MCPH1: variants seen among roughly 807,000 people sequenced by gnomAD.
MCPH1 encodes microcephalin.
MCPH1 carries 104 observed loss-of-function variants against 84.5 expected under a neutral mutation model. The ratio of observed to expected loss-of-function variants is 1.23; its 90% CI spans 1.05 to 1.45. MCPH1 has a LOEUF of 1.45. MCPH1 is among the 40% of genes most tolerant of loss of function. The pLI, the probability that MCPH1 is intolerant of heterozygous loss-of-function variation, is 0.00. For missense variants in MCPH1, 1,498 were observed against 1,005.7 expected (o/e 1.49, Z -6.62); for synonymous variants, 514 against 366.8 (o/e 1.40, Z -4.58).
At position 6,510,238 on chromosome 8, in the gene MCPH1, A is replaced by G. The variant is rs533449692; in HGVS notation, c.2214+10309A>G. On this transcript the variant is annotated intron_variant, in intron 12 of 13. Transcript: ENST00000344683. ...CTTCTTGGCAGATGGTTCAGGACAG[A>G]TCAGAGCAGGCATTCACGTAATGGG... 4.6e-5 allele frequency among the ~76,000 whole-genome samples: 7 copies of G among 151,722 alleles called. No homozygotes were observed. The South Asian group carries it at 1.5e-3, about 32-fold the overall frequency.
intron 12 of MCPH1, among the ~76,000 whole-genome samples, chr8:6,580,900 C>T (rs1827517564): frequency 6.6e-6 from 1 of 152,182 alleles, no homozygotes; most frequent in East Asian, 1.9e-4. Flanking sequence ...GTCAGCCCTC[C>T]ACATCCGCAG....
rs979490440 is a variant in MCPH1, at chr8:6,494,466, A to G, written c.2137-5386A>G. 9 of 152,326 alleles carry G rather than the reference A, an allele frequency of 5.9e-5. No individual in the cohort carries two copies. The East Asian group carries it at 1.7e-3, about 29-fold the overall frequency. The allele number at this position is 152,326 out of a possible 1,614,324, so 9.4% of individuals were successfully genotyped here. A position where few individuals can be genotyped will look rare whatever the true frequency, so the allele number is the denominator to read the frequency against. ...CACCGTAGCTGTGTAACCTTGGGTA[A>G]GGCAGTTTCTTTATCTGTAAAAGAA... is the stretch of plus-strand genomic sequence containing the variant. On this transcript the variant is annotated intron_variant, in intron 11 of 13. Coordinates refer to ENST00000344683, the MANE Select transcript of MCPH1 (RefSeq NM_024596.5).
At chr8:6,621,268 TCA>T in intron 12 of MCPH1, 184 bp from the exon 13 acceptor site, 1 of 713,150 alleles carries the variant, frequency 1.4e-6, no homozygotes, top group East Asian at 2.7e-5. Flanking sequence ...TCAGAAAACG[TCA>T]GTTTTATGTC....
chr8:6,446,411 A>G (rs1585823698), intron 8 of MCPH1: 1 of 985,336 alleles, frequency 1.0e-6, no homozygotes, highest in East Asian at 1.1e-4. Flanking sequence ...AAGTCATGGT[A>G]GCGTTTGAAA....
chr8:6,496,409 T>C (rs1358943043), intron 11 of MCPH1, among the ~76,000 whole-genome samples: 1 of 152,234 alleles, frequency 6.6e-6, no homozygotes, highest in African/African-American at 2.4e-5. Flanking sequence ...CACCTCCTGC[T>C]GTGTGGCCCC....
At chr8:6,423,778 G>T (rs183387250) in intron 3 of MCPH1, among the ~76,000 whole-genome samples, 383 of 152,272 alleles carry the variant, frequency 2.5e-3, no homozygotes, top group African/African-American at 7.3e-3. Context: ...TTATCTTCTG[G>T]AAGGAGTGTA....
rs373532368 is a variant in MCPH1, at chr8:6,455,201, G to C, written c.1884G>C (p.Lys628Asn). 8.1e-6 allele frequency: 13 copies of C among 1,613,988 alleles called. No individual in the cohort carries two copies. The highest frequency in any genetic ancestry group is 1.1e-5 in the Non-Finnish European group (13 of 1,179,968). ...DVLDDSCDGF[K>N]DLIKPHEELK... is the part of the protein sequence containing the mutation. ...TAGATGACTCATGTGACGGCTTTAAGGACCTCATCAAACCTCATGAGGAAT... is the reference window on the plus strand; with the variant it reads ...TAGATGACTCATGTGACGGCTTTAACGACCTCATCAAACCTCATGAGGAAT... Residue 628 changes from lysine (K) to asparagine (N), a missense_variant, in exon 9 of 14, where the codon AAG becomes AAC. By Grantham distance (94) the Lys-to-Asn change is moderately conservative (BLOSUM62 0). Transcript: ENST00000344683.
chr8:6,564,036 C>T (rs886912275), intron 12 of MCPH1, among the ~76,000 whole-genome samples: 8 of 136,938 alleles, frequency 5.8e-5, no homozygotes, highest in Admixed American at 1.6e-4. Flanking sequence ...GGCTAGAGTG[C>T]AGTGGGGCAA....
intron 13 of MCPH1, among the ~76,000 whole-genome samples, chr8:6,627,659 G>A (rs1376906107): frequency 6.6e-6 from 1 of 152,144 alleles, no homozygotes; most frequent in African/African-American, 2.4e-5. Flanking sequence ...AGGAGGCCGA[G>A]GCGGGTGGGT....
At chr8:6,511,645 G>C (rs953841639) in intron 12 of MCPH1, among the ~76,000 whole-genome samples, 6 of 152,072 alleles carry the variant, frequency 3.9e-5, no homozygotes, top group African/African-American at 1.4e-4. Context: ...CTCTTATCAT[G>C]CTAGCATCAT....
At chr8:6,483,424 TC>T (rs1258829526) in intron 11 of MCPH1, among the ~76,000 whole-genome samples, 21 of 152,196 alleles carry the variant, frequency 1.4e-4, no homozygotes, top group African/African-American at 3.9e-4. Flanking sequence ...TTTTGGGGCA[TC>T]CTTTCAAGCT....
chr8:6,438,899 C>T, intron 5 of MCPH1, 54 bp from the exon 6 acceptor site: 3 of 1,566,026 alleles, frequency 1.9e-6, no homozygotes, highest in Middle Eastern at 4.3e-4. Context: ...AATCACATTC[C>T]TGAAGTATGA....
intron 12 of MCPH1, chr8:6,514,842 G>A: frequency 7.0e-7 from 1 of 1,423,344 alleles, no homozygotes; most frequent in Non-Finnish European, 9.9e-7. Flanking sequence ...CGTAGCAGAA[G>A]CAGGAGGAAT....
chr8:6,468,639 T>C (rs550662728), intron 9 of MCPH1, among the ~76,000 whole-genome samples: 1 of 138,054 alleles, frequency 7.2e-6, no homozygotes, highest in East Asian at 2.3e-4. Flanking sequence ...GGATGTACAT[T>C]TTTTTGGTTT....
intron 12 of MCPH1, among the ~76,000 whole-genome samples, chr8:6,538,615 G>A (rs1563089692): frequency 6.6e-6 from 1 of 152,140 alleles, no homozygotes; most frequent in Non-Finnish European, 1.5e-5. Context: ...TCCTCCTTGA[G>A]TCTTCTCTTC....
chr8:6,626,474 G>GTTTTTTTTT (rs71213328), intron 13 of MCPH1: 31 of 925,258 alleles, frequency 3.4e-5, no homozygotes, highest in East Asian at 1.3e-4. Flanking sequence ...TTTTTGTTTT[G>GTTTTTTTTT]TTTTTTTTTT....
intron 8 of MCPH1, among the ~76,000 whole-genome samples, chr8:6,450,809 C>T (rs942990182): frequency 1.3e-5 from 2 of 151,952 alleles, no homozygotes; most frequent in Non-Finnish European, 2.9e-5. Flanking sequence ...GTGACATGAT[C>T]GCAGCTCAAT....
chr8:6,630,972 A>C (rs1157877717), intron 13 of MCPH1, among the ~76,000 whole-genome samples: 3 of 152,334 alleles, frequency 2.0e-5, no homozygotes, highest in African/African-American at 7.2e-5. Context: ...TCCAACACAG[A>C]AACCGCTAAA....
intron 12 of MCPH1, among the ~76,000 whole-genome samples, chr8:6,549,367 C>T (rs1232595073): frequency 6.6e-6 from 1 of 152,194 alleles, no homozygotes; most frequent in African/African-American, 2.4e-5. Flanking sequence ...CTGATTGTTC[C>T]AATTACATGA....
Sources: allele counts gnomAD v4.1 joint callset (sites outside exome capture counted in the v4.1 genomes callset), GRCh38; gene constraint gnomAD v4.1.1; transcripts MANE v1.5; gene names NCBI Gene and HGNC (gene_info 2026-07-23, HGNC 2026-07-21).